KCNJ6: variants seen among roughly 807,000 people sequenced by gnomAD.
KCNJ6 encodes G protein-activated inward rectifier potassium channel 2.
Under a neutral mutation model 34.2 loss-of-function variants are expected in KCNJ6, and 9 were observed. The ratio of observed to expected loss-of-function variants is 0.26; its 90% CI spans 0.16 to 0.46. The LOEUF (loss-of-function observed/expected upper bound fraction) is 0.46, where lower values mean the gene tolerates loss of function less well. KCNJ6 is among the 20% of genes least tolerant of loss of function. The pLI, the probability that KCNJ6 is intolerant of heterozygous loss-of-function variation, is 1.00. For synonymous variants in KCNJ6, 196 were observed against 207.1 expected (o/e 0.95, Z 0.46); for missense variants, 236 against 531.3 (o/e 0.44, Z 5.46).
chr21:37,866,748 G>A (rs115487951), intron 1 of KCNJ6, among the ~76,000 whole-genome samples: 133 of 152,374 alleles, frequency 8.7e-4, no homozygotes, highest in African/African-American at 2.9e-3. Flanking sequence ...AGAGGACCAT[G>A]TCTCTTGAGA....
chr21:37,787,686 C>G (rs2055198758), intron 2 of KCNJ6, among the ~76,000 whole-genome samples: 1 of 152,118 alleles, frequency 6.6e-6, no homozygotes, highest in Non-Finnish European at 1.5e-5. Flanking sequence ...AGACAAGGTG[C>G]TGACTAATGC....
chr21:37,633,339 AAAC>A (rs2054342015), intron 3 of KCNJ6, among the ~76,000 whole-genome samples: 1 of 152,192 alleles, frequency 6.6e-6, no homozygotes, highest in Non-Finnish European at 1.5e-5. Flanking sequence ...CCAAAAATCT[AAAC>A]AATCATTATT....
chr21:37,761,298 G>A (rs2055061118), intron 2 of KCNJ6, among the ~76,000 whole-genome samples: 1 of 129,638 alleles, frequency 7.7e-6, no homozygotes, highest in Non-Finnish European at 1.6e-5. Context: ...GTAGAGTGGT[G>A]TCTGTGTATG....
intron 2 of KCNJ6, among the ~76,000 whole-genome samples, chr21:37,721,663 G>C (rs1569452029): frequency 6.6e-6 from 1 of 152,172 alleles, no homozygotes; most frequent in East Asian, 1.9e-4. Flanking sequence ...AAATAAACCA[G>C]ACACAAAAGG....
intron 3 of KCNJ6, among the ~76,000 whole-genome samples, chr21:37,649,062 G>A (rs1336072467): frequency 6.7e-6 from 1 of 150,032 alleles, no homozygotes; most frequent in Non-Finnish European, 1.5e-5. Context: ...GAACTTCGAA[G>A]GTGGAGGCTG....
At chr21:37,661,281 T>C (rs2054487029) in intron 3 of KCNJ6, among the ~76,000 whole-genome samples, 1 of 152,240 alleles carries the variant, frequency 6.6e-6, no homozygotes, top group Non-Finnish European at 1.5e-5. Flanking sequence ...TAGTAACTTT[T>C]GTAAGATAGG....
chr21:37,792,990 C>T (rs1376424448), intron 2 of KCNJ6, among the ~76,000 whole-genome samples: 1 of 152,102 alleles, frequency 6.6e-6, no homozygotes, highest in Non-Finnish European at 1.5e-5. Context: ...TAAAGATGTA[C>T]CAGCTAAGGG....
At chr21:37,875,338 G>A (rs754063777) in intron 1 of KCNJ6, among the ~76,000 whole-genome samples, 2 of 152,132 alleles carry the variant, frequency 1.3e-5, no homozygotes, top group African/African-American at 2.4e-5. Flanking sequence ...AGTGCTTAGC[G>A]GGGAGCCTCC....
intron 2 of KCNJ6, among the ~76,000 whole-genome samples, chr21:37,754,888 G>A (rs1449836195): frequency 6.6e-6 from 1 of 152,194 alleles, no homozygotes; most frequent in African/African-American, 2.4e-5. Context: ...TCAGAGCTGA[G>A]GAGTAAGCAA....
At chr21:37,856,491 G>A (rs2055565874) in intron 1 of KCNJ6, among the ~76,000 whole-genome samples, 1 of 152,154 alleles carries the variant, frequency 6.6e-6, no homozygotes, top group South Asian at 2.1e-4. Context: ...TTCCTGCCTT[G>A]ATGAGCAAGT....
chr21:37,782,131 T>G (rs200221020), intron 2 of KCNJ6, among the ~76,000 whole-genome samples: 3 of 145,702 alleles, frequency 2.1e-5, no homozygotes, highest in African/African-American at 5.1e-5. Context: ...GAAAAGAGAG[T>G]GAGAGAGAGA....
intron 3 of KCNJ6, among the ~76,000 whole-genome samples, chr21:37,707,180 AG>A (rs1220937779): frequency 6.6e-6 from 1 of 152,216 alleles, no homozygotes; most frequent in Non-Finnish European, 1.5e-5. Context: ...TGGTGCTCAC[AG>A]GTTAACACTC....
At chr21:37,860,818 C>T (rs2123602020) in intron 1 of KCNJ6, among the ~76,000 whole-genome samples, 1 of 152,298 alleles carries the variant, frequency 6.6e-6, no homozygotes, top group Non-Finnish European at 1.5e-5. Flanking sequence ...ATCTTCACTC[C>T]CTCATCACTT....
intron 1 of KCNJ6, among the ~76,000 whole-genome samples, chr21:37,861,290 G>A (rs2055593704): frequency 6.6e-6 from 1 of 152,226 alleles, no homozygotes; most frequent in East Asian, 1.9e-4. Context: ...GGTTTCAGTG[G>A]GGCTGGTTCC....
intron 3 of KCNJ6, among the ~76,000 whole-genome samples, chr21:37,661,455 G>C (rs2054487648): frequency 6.6e-6 from 1 of 152,020 alleles, no homozygotes; most frequent in Middle Eastern, 3.2e-3. Flanking sequence ...TCCCTTTTCT[G>C]TAATTTTGAG....
intron 2 of KCNJ6, among the ~76,000 whole-genome samples, chr21:37,747,712 G>T (rs1335119357): frequency 6.6e-6 from 1 of 152,088 alleles, no homozygotes; most frequent in Non-Finnish European, 1.5e-5. Flanking sequence ...GGAGGAGGGG[G>T]CCATGAGACA....
At chr21:37,905,873 G>A (rs532387262) in intron 1 of KCNJ6, among the ~76,000 whole-genome samples, 4 of 152,166 alleles carry the variant, frequency 2.6e-5, no homozygotes, top group African/African-American at 9.7e-5. Flanking sequence ...GCTATGAAGC[G>A]CCAATTTCTG....
chr21:37,705,376 G>A (rs1210953617), intron 3 of KCNJ6, among the ~76,000 whole-genome samples: 1 of 152,136 alleles, frequency 6.6e-6, no homozygotes, highest in Non-Finnish European at 1.5e-5. Flanking sequence ...TTCCTCATTT[G>A]TTAAATGGGA....
chr21:37,771,954 T>C (rs2055119742), intron 2 of KCNJ6, among the ~76,000 whole-genome samples: 1 of 152,242 alleles, frequency 6.6e-6, no homozygotes, highest in Non-Finnish European at 1.5e-5. Flanking sequence ...TATACCCATC[T>C]TGTCTGAATA....
Sources: allele counts gnomAD v4.1 joint callset (sites outside exome capture counted in the v4.1 genomes callset), GRCh38; gene constraint gnomAD v4.1.1; transcripts MANE v1.5; gene names NCBI Gene and HGNC (gene_info 2026-07-23, HGNC 2026-07-21).